Variants in AKAP6 observed in about 807,000 individuals in gnomAD.
The protein encoded by AKAP6 is A-kinase anchoring protein 6, also known as A-kinase anchor protein 6.
Under a neutral mutation model 188.5 loss-of-function variants are expected in AKAP6, and 58 were observed. That is an observed-to-expected ratio of 0.31 (90% CI 0.25 to 0.38). AKAP6 has a LOEUF of 0.38. Ranked by LOEUF, AKAP6 falls within the 10% of genes least tolerant of loss-of-function variation. The probability of loss-of-function intolerance (pLI) is 1.00; values close to 1 mark genes in which losing one functional copy is unlikely to be tolerated. For synonymous variants in AKAP6, 989 were observed against 998.6 expected, an observed-to-expected ratio of 0.99 and a Z score of 0.18; for missense variants, 2,710 against 2,740.0, an observed-to-expected ratio of 0.99 and a Z score of 0.24.
intron 1 of AKAP6, among the ~76,000 whole-genome samples, chr14:32,414,368 G>A (rs1273743604): frequency 6.6e-6 from 1 of 152,156 alleles, no homozygotes; most frequent in Admixed American, 6.6e-5. Context: ...TGGAACTAAT[G>A]TGAGCTGCAT....
chr14:32,715,035 T>G (rs919008799), intron 9 of AKAP6, among the ~76,000 whole-genome samples: 6 of 151,918 alleles, frequency 3.9e-5, no homozygotes, highest in Admixed American at 6.6e-5. Context: ...TGGGGAGGCT[T>G]CTCTGGAGAG....
At chr14:32,778,723 T>TG (rs2033146351) in intron 12 of AKAP6, among the ~76,000 whole-genome samples, 1 of 150,438 alleles carries the variant, frequency 6.6e-6, no homozygotes, top group Admixed American at 6.6e-5. Flanking sequence ...TTTTTTTTTT[T>TG]TTTTGGAGAG....
At chr14:32,519,219 A>G (rs977174770) in intron 2 of AKAP6, among the ~76,000 whole-genome samples, 3 of 152,210 alleles carry the variant, frequency 2.0e-5, no homozygotes, top group Non-Finnish European at 4.4e-5. Flanking sequence ...AGGAACGACC[A>G]GTACCAGCCA....
chr14:32,811,188 G>A (rs1443364322), intron 12 of AKAP6, among the ~76,000 whole-genome samples: 11 of 140,774 alleles, frequency 7.8e-5, no homozygotes, highest in Admixed American at 4.4e-4. Context: ...GCAGTGAGCC[G>A]AGATTGCGCC....
At chr14:32,332,666 T>C (rs1886567433) in intron 1 of AKAP6, among the ~76,000 whole-genome samples, 1 of 152,092 alleles carries the variant, frequency 6.6e-6, no homozygotes, top group Non-Finnish European at 1.5e-5. Context: ...CTTTAAGATG[T>C]TTGTATTCCC....
chr14:32,420,649 G>A (rs1336544237), intron 1 of AKAP6, among the ~76,000 whole-genome samples: 1 of 152,102 alleles, frequency 6.6e-6, no homozygotes, highest in East Asian at 1.9e-4. Flanking sequence ...TTCTGAGTAT[G>A]TTCATTTACA....
At chr14:32,744,402 C>T (rs931188611) in intron 11 of AKAP6, among the ~76,000 whole-genome samples, 3 of 151,984 alleles carry the variant, frequency 2.0e-5, no homozygotes, top group Non-Finnish European at 4.4e-5. Flanking sequence ...CTGCAAACTC[C>T]ACCTCCTGGG....
intron 4 of AKAP6, among the ~76,000 whole-genome samples, chr14:32,550,794 G>A (rs1475996637): frequency 6.6e-6 from 1 of 152,146 alleles, no homozygotes; most frequent in Admixed American, 6.5e-5. Flanking sequence ...ACCCTCTAAG[G>A]TAGGTTTTTA....
intron 2 of AKAP6, among the ~76,000 whole-genome samples, chr14:32,466,608 G>A (rs1198403379): frequency 1.3e-5 from 2 of 151,504 alleles, no homozygotes; most frequent in Non-Finnish European, 2.9e-5. Context: ...AGAGCATTAG[G>A]ACCAATACCT....
intron 1 of AKAP6, among the ~76,000 whole-genome samples, chr14:32,424,900 T>C (rs10444700): frequency 0.062 from 9,513 of 152,284 alleles, 370 homozygotes; most frequent in African/African-American, 0.088. Flanking sequence ...ATCCAGTCTA[T>C]CATTGATGGG....
At chr14:32,461,443 G>A (rs1390126070) in intron 2 of AKAP6, among the ~76,000 whole-genome samples, 1 of 152,204 alleles carries the variant, frequency 6.6e-6, no homozygotes, top group Non-Finnish European at 1.5e-5. Flanking sequence ...AGGGTCTGGA[G>A]TGGACCTCTA....
chr14:32,574,251 A>T (rs1884624745), intron 4 of AKAP6, among the ~76,000 whole-genome samples: 1 of 152,156 alleles, frequency 6.6e-6, no homozygotes, highest in Non-Finnish European at 1.5e-5. Context: ...CAACAAATAA[A>T]AAGTTGTGAG....
intron 2 of AKAP6, among the ~76,000 whole-genome samples, chr14:32,434,226 C>T (rs1890310638): frequency 6.6e-6 from 1 of 152,168 alleles, no homozygotes; most frequent in African/African-American, 2.4e-5. Flanking sequence ...CTGATGCTGC[C>T]TTTGTGGCAA....
intron 11 of AKAP6, among the ~76,000 whole-genome samples, chr14:32,744,558 T>A (rs937973720): frequency 6.6e-6 from 1 of 152,148 alleles, no homozygotes; most frequent in East Asian, 1.9e-4. Flanking sequence ...CCTCGTGATC[T>A]GCCCTCCTTG....
At chr14:32,700,168 C>T (rs963469177) in intron 9 of AKAP6, among the ~76,000 whole-genome samples, 2 of 152,274 alleles carry the variant, frequency 1.3e-5, no homozygotes, top group East Asian at 3.9e-4. Flanking sequence ...GTTGCTGCTG[C>T]ACTGTCCTCC....
At chr14:32,657,604 T>C (rs2139560253) in intron 7 of AKAP6, among the ~76,000 whole-genome samples, 1 of 152,296 alleles carries the variant, frequency 6.6e-6, no homozygotes, top group South Asian at 2.1e-4. Context: ...AGAGACTTTG[T>C]TGTTTTTAAT....
At chr14:32,423,017 A>G (rs1889903583) in intron 1 of AKAP6, among the ~76,000 whole-genome samples, 1 of 152,166 alleles carries the variant, frequency 6.6e-6, no homozygotes, top group Non-Finnish European at 1.5e-5. Context: ...GGCTTCCAAA[A>G]TACTGTTTTT....
chr14:32,821,902 G>T lies in AKAP6; in HGVS notation c.4089G>T (p.Glu1363Asp), dbSNP rs750114156. 1.9e-6 allele frequency: 3 copies of T among 1,613,942 alleles called. No homozygotes were observed. In the Middle Eastern group the frequency reaches 5.0e-4, roughly 266 times the overall value. ...GGDMSQNSGS[E>D]SGIVSEGDTE... The stretch of plus-strand genomic sequence containing the variant: ...ACATGAGCCAGAATTCAGGCAGTGA[G>T]AGTGGAATTGTCAGTGAAGGAGACA... Residue 1363 changes from glutamate to aspartate, a missense_variant, in exon 13 of 14, where the codon GAG (glutamate) becomes GAT (aspartate). By Grantham distance (45) the Glu-to-Asp change is conservative (BLOSUM62 2). Around this residue, in one of 2 missense-constraint regions of AKAP6, gnomAD observed 2,473 missense variants for 2,426.1 expected, o/e 1.02. Transcript: ENST00000280979.
chr14:32,330,713 A>ATTTTTTTTTT (rs35147196), intron 1 of AKAP6, among the ~76,000 whole-genome samples: 2 of 62,360 alleles, frequency 3.2e-5, no homozygotes, highest in Non-Finnish European at 5.7e-5. Flanking sequence ...GCTTGGAGTG[A>ATTTTTTTTTT]TTTTTTTTTT....
Sources: gnomAD v4.1 joint callset for allele counts (sites outside exome capture counted in the v4.1 genomes callset) on GRCh38, gnomAD v4.1.1 for gene constraint, gnomAD v4.1.1 regional missense constraint, MANE v1.5 for transcripts, NCBI Gene and HGNC (gene_info 2026-07-23, HGNC 2026-07-21) for gene names.